CPS1: variants seen among roughly 807,000 people sequenced by gnomAD.
CPS1 encodes carbamoyl-phosphate synthase 1.
A neutral mutation model predicts 174.6 loss-of-function variants in CPS1; 109 were observed. The observed-to-expected ratio is 0.62, with a 90% CI of 0.53 to 0.73. The LOEUF (loss-of-function observed/expected upper bound fraction) is 0.73, where lower values mean the gene tolerates loss of function less well. CPS1 is among the 30% of genes least tolerant of loss of function. CPS1 has a pLI of 0.00. For synonymous variants in CPS1, 637 were observed against 632.0 expected, an observed-to-expected ratio of 1.01 and a Z score of -0.12; for missense variants, 1,689 against 1,821.9, an observed-to-expected ratio of 0.93 and a Z score of 1.33.
chr2:210,572,316 G>A (rs2106071350), intron 1 of CPS1, among the ~76,000 whole-genome samples: 1 of 151,972 alleles, frequency 6.6e-6, no homozygotes, highest in Non-Finnish European at 1.5e-5. Flanking sequence ...CTCAATTATT[G>A]CAGATATGTT....
At chr2:210,602,711 G>A (rs999429299) in intron 16 of CPS1, among the ~76,000 whole-genome samples, 3 of 151,906 alleles carry the variant, frequency 2.0e-5, no homozygotes, top group South Asian at 2.1e-4. Flanking sequence ...AGGACATAAT[G>A]TCTCATTTTT....
chr2:210,608,412 A>G lies in CPS1; in HGVS notation c.2244A>G (p.Pro748=). The G allele has an allele frequency of 1.2e-6, 2 of 1,612,472 alleles. No homozygotes were observed. Among genetic ancestry groups the G allele is most frequent in the Non-Finnish European group, 1.7e-6 (2 of 1,178,932 alleles). Residue 748 remains proline, a synonymous_variant, in exon 19 of 38, where the codon CCA becomes CCG. Transcript: ENST00000233072. ...AGATTGCCCTAGGAATCCCACTTCC[A>G]GAAATTAAGAACGTCGTATCCGGGA... ...AAKIALGIPL[P]EIKNVVSGKT...
chr2:210,666,466 C>T lies in CPS1; in HGVS notation c.4003-1720C>T, dbSNP rs534978076. On this transcript the variant is annotated intron_variant, in intron 33 of 37. Transcript: ENST00000233072. Reference sequence around the variant, plus strand: ...AGGGTTTTTATGGTTTTAGGTCTAACGTTTAAGTCTTTAATCCATCTTGAA... The same window carrying T: ...AGGGTTTTTATGGTTTTAGGTCTAATGTTTAAGTCTTTAATCCATCTTGAA... 5.1e-3 allele frequency among the ~76,000 whole-genome samples: 764 copies of T among 151,248 alleles called. 9 individuals carry two copies. The highest frequency in any genetic ancestry group is 0.017 in the African/African-American group (709 of 41,134).
chr2:210,603,568 C>A (rs1237923127), intron 16 of CPS1, among the ~76,000 whole-genome samples: 4 of 151,826 alleles, frequency 2.6e-5, no homozygotes, highest in Non-Finnish European at 5.9e-5. Context: ...TCAATATTAA[C>A]AACTTCATAA....
At chr2:210,481,048 TC>T (rs1326354933) in intron 1 of CPS1, among the ~76,000 whole-genome samples, 1 of 152,224 alleles carries the variant, frequency 6.6e-6, no homozygotes, top group African/African-American at 2.4e-5. Context: ...CTTGTCAGGA[TC>T]TTATTAATGT....
intron 6 of CPS1, 89 bp downstream of exon 6, chr2:210,582,798 A>G: frequency 2.0e-6 from 2 of 1,023,524 alleles, no homozygotes; most frequent in Non-Finnish European, 3.1e-6. Flanking sequence ...GGCAGAGTTT[A>G]TCTTCCAGAA....
intron 21 of CPS1, among the ~76,000 whole-genome samples, chr2:210,634,932 T>G (rs966123898): frequency 3.3e-5 from 5 of 152,180 alleles, no homozygotes; most frequent in Non-Finnish European, 7.4e-5. Context: ...AACTCCTTTA[T>G]CTACATAAAG....
chr2:210,572,485 A>G (rs1437895089), intron 1 of CPS1, among the ~76,000 whole-genome samples: 1 of 152,006 alleles, frequency 6.6e-6, no homozygotes, highest in Non-Finnish European at 1.5e-5. Flanking sequence ...TGGTTTCAAC[A>G]ACAGAATTTA....
At chr2:210,512,483 A>C (rs1435146438) in intron 1 of CPS1, among the ~76,000 whole-genome samples, 4 of 151,644 alleles carry the variant, frequency 2.6e-5, no homozygotes, top group African/African-American at 4.8e-5. Flanking sequence ...GCATTAATTC[A>C]TTTAGGATAA....
chr2:210,638,607 A>G (rs1700111709), intron 22 of CPS1, among the ~76,000 whole-genome samples: 1 of 152,088 alleles, frequency 6.6e-6, no homozygotes, highest in South Asian at 2.1e-4. Context: ...TCGGCCCCAA[A>G]TTCTTGCTCA....
At chr2:210,629,856 C>T (rs1574615783) in intron 21 of CPS1, among the ~76,000 whole-genome samples, 1 of 147,886 alleles carries the variant, frequency 6.8e-6, no homozygotes, top group East Asian at 2.1e-4. Context: ...CGAGACCATC[C>T]TGGCTAACAC....
chr2:210,656,695 T>C, intron 30 of CPS1, 63 bp downstream of exon 30: 1 of 973,504 alleles, frequency 1.0e-6, no homozygotes, highest in South Asian at 1.6e-5. Flanking sequence ...CACCTAAGGT[T>C]TTTTTTTTTT....
rs755531304 is a variant in CPS1, at chr2:210,656,588, C to A, written c.3622C>A (p.Leu1208Met). 3.1e-6 allele frequency: 5 copies of A among 1,609,640 alleles called. No homozygotes were observed. In the African/African-American group the frequency reaches 6.8e-5, roughly 22 times the overall value. ...AGGTGTCCACTCGGGAGATGCCACTCTGATGCTGCCCACACAAACCATCAG... is the reference window on the plus strand; with the variant it reads ...AGGTGTCCACTCGGGAGATGCCACTATGATGCTGCCCACACAAACCATCAG... ...DAGVHSGDAT[L>M]MLPTQTISQG... Residue 1208 changes from leucine to methionine, a missense_variant, in exon 30 of 38, where the codon CTG becomes ATG. Leu to Met is a conservative substitution (Grantham distance 15). Transcript: ENST00000233072.
intron 18 of CPS1, 114 bp from the exon 19 acceptor site, chr2:210,608,247 C>A (rs745676029): frequency 5.4e-5 from 50 of 932,006 alleles, no homozygotes; most frequent in Middle Eastern, 4.5e-4. Context: ...AATCAAGTGT[C>A]TTATACCCTG....
Position 210,608,538 on chromosome 2 carries a change from C to T in CPS1, c.2370C>T (p.Ser790=), listed in dbSNP as rs1217229113. The T allele has an allele frequency of 6.2e-7, 1 of 1,612,018 alleles. No homozygotes were observed. The highest frequency in any genetic ancestry group is 2.2e-5 in the East Asian group (1 of 44,786). ...RFHGTSSRIG[S]SMKSVGEVMA... ...ATGGAACATCTAGCCGAATTGGTAG[C>T]TCTATGAAAAGTGTAGGAGAGGTGA... Residue 790 remains serine, a synonymous_variant, in exon 19 of 38, where the codon AGC becomes AGT. Coordinates refer to ENST00000233072, the MANE Select transcript of CPS1 (RefSeq NM_001875.5).
intron 1 of CPS1, among the ~76,000 whole-genome samples, chr2:210,539,133 T>C (rs1017402649): frequency 6.6e-6 from 1 of 152,210 alleles, no homozygotes; most frequent in African/African-American, 2.4e-5. Flanking sequence ...ACTTATGTGC[T>C]TCACTTTCCA....
rs1326614424 is a variant in CPS1, at chr2:210,600,643, C to A, written c.1638C>A (p.Asp546Glu). The A allele has an allele frequency of 1.2e-6, 2 of 1,612,126 alleles. No homozygotes were observed. The highest frequency in any genetic ancestry group is 1.7e-6 in the Non-Finnish European group (2 of 1,178,876). ...TSVESIMATE[D>E]RQLFSDKLNE... ...TTGAGTCCATTATGGCTACGGAAGA[C>A]AGGCAGCTGTTTTCAGATAAACTAA... Residue 546 changes from aspartate (D) to glutamate (E), a missense_variant, in exon 15 of 38, where the codon GAC (aspartate) becomes GAA (glutamate). Transcript: ENST00000233072.
At chr2:210,484,566 A>C (rs1319272912) in intron 1 of CPS1, among the ~76,000 whole-genome samples, 1 of 152,130 alleles carries the variant, frequency 6.6e-6, no homozygotes, top group Non-Finnish European at 1.5e-5. Flanking sequence ...CTTTCTCAGG[A>C]AACCAACCAT....
intron 1 of CPS1, among the ~76,000 whole-genome samples, chr2:210,524,183 G>GT (rs1695910343): frequency 6.6e-6 from 1 of 151,856 alleles, no homozygotes; most frequent in South Asian, 2.1e-4. Context: ...CCTCTTATGG[G>GT]TCTCTGACCA....
Sources: gnomAD v4.1 joint callset for allele counts (sites outside exome capture counted in the v4.1 genomes callset) on GRCh38, gnomAD v4.1.1 for gene constraint, MANE v1.5 for transcripts, NCBI Gene and HGNC (gene_info 2026-07-23, HGNC 2026-07-21) for gene names.